Variants in ECT2L observed in about 807,000 individuals in gnomAD.
The protein encoded by ECT2L is epithelial cell transforming 2 like.
ECT2L carries 126 observed loss-of-function variants against 122.8 expected under a neutral mutation model. That is an observed-to-expected ratio of 1.03 (90% CI 0.89 to 1.19). The LOEUF (loss-of-function observed/expected upper bound fraction) is 1.19. Ranked by LOEUF, ECT2L falls within the 50% of genes most tolerant of loss-of-function variation. The pLI, the probability that ECT2L is intolerant of heterozygous loss-of-function variation, is 0.00. For missense variants in ECT2L, 1,012 were observed against 1,064.1 expected (o/e 0.95, Z 0.68); for synonymous variants, 385 against 381.8 (o/e 1.01, Z -0.10).
At chr6:138,897,803 G>A (rs1173115331) in intron 20 of ECT2L, among the ~76,000 whole-genome samples, 3 of 151,916 alleles carry the variant, frequency 2.0e-5, no homozygotes, top group Admixed American at 6.6e-5. Flanking sequence ...CCCTTCCCTG[G>A]GCCAACCATC....
chr6:138,865,786 GT>G (rs1258164036), intron 12 of ECT2L, among the ~76,000 whole-genome samples: 1 of 152,170 alleles, frequency 6.6e-6, no homozygotes, highest in Non-Finnish European at 1.5e-5. Context: ...TAGGTAAAGA[GT>G]TTTTCTTTTT....
chr6:138,796,483 A>T lies in ECT2L; in HGVS notation c.-244+291A>T, dbSNP rs1239601560. 4.6e-5 allele frequency among the ~76,000 whole-genome samples: 7 copies of T among 152,108 alleles called. No individual in the cohort carries two copies. The East Asian group carries it at 1.4e-3, about 29-fold the overall frequency. On this transcript the variant is annotated intron_variant, in intron 1 of 21. Coordinates refer to ENST00000541398, the MANE Select transcript of ECT2L (RefSeq NM_001077706.3). Reference sequence around the variant, plus strand: ...GAGAACTGATTTGGGATCGAAGTAAAGTTCTTGAACACTTTGGAAAACGCT... The same window carrying T: ...GAGAACTGATTTGGGATCGAAGTAATGTTCTTGAACACTTTGGAAAACGCT...
Position 138,843,014 on chromosome 6 carries a change from A to T in ECT2L, c.378A>T (p.Gly126=), listed in dbSNP as rs1271297991. ...CLWMPKCVKF[G]WFLPYTPTDN... ...GGATGCCCAAATGCGTTAAGTTCGG[A>T]TGGTTTCTGCCCTATACTCCAACAG... Residue 126 remains glycine, a synonymous_variant, in exon 6 of 22, where the codon GGA becomes GGT. Coordinates refer to ENST00000541398, the MANE Select transcript of ECT2L (RefSeq NM_001077706.3). The T allele has an allele frequency of 2.5e-6, 4 of 1,569,070 alleles. No homozygotes were observed.
At chr6:138,893,050 T>C (rs1779085149) in intron 20 of ECT2L, among the ~76,000 whole-genome samples, 1 of 151,904 alleles carries the variant, frequency 6.6e-6, no homozygotes, top group Non-Finnish European at 1.5e-5. Context: ...CCCATTATTA[T>C]ACCAGAGCCC....
chr6:138,849,194 C>A, intron 8 of ECT2L, 75 bp from the exon 9 acceptor site: 1 of 1,322,478 alleles, frequency 7.6e-7, no homozygotes, highest in Non-Finnish European at 9.9e-7. Context: ...ATTTTGTATC[C>A]GTTCTATTTC....
At chr6:138,836,607 T>C (rs1041133249) in intron 4 of ECT2L, among the ~76,000 whole-genome samples, 1 of 152,032 alleles carries the variant, frequency 6.6e-6, no homozygotes, top group Non-Finnish European at 1.5e-5. Context: ...AAGCAATTAT[T>C]ACTATGATGG....
chr6:138,856,403 C>T (rs562538031), intron 10 of ECT2L, among the ~76,000 whole-genome samples: 16 of 152,192 alleles, frequency 1.1e-4, no homozygotes, highest in South Asian at 8.3e-4. Flanking sequence ...TTAGTGGAGA[C>T]GGGGTTTCAC....
intron 1 of ECT2L, among the ~76,000 whole-genome samples, chr6:138,807,782 C>T (rs910094809): frequency 6.6e-6 from 1 of 152,188 alleles, no homozygotes; most frequent in African/African-American, 2.4e-5. Context: ...GCCATCCTAT[C>T]CCACTGCTCT....
intron 15 of ECT2L, 73 bp downstream of exon 15, chr6:138,881,244 A>G: frequency 6.9e-7 from 1 of 1,439,628 alleles, no homozygotes; most frequent in South Asian, 1.2e-5. Flanking sequence ...TTGTTTCAAA[A>G]GCAGTATGGA....
At chr6:138,846,120 C>T (rs2128391064) in intron 7 of ECT2L, among the ~76,000 whole-genome samples, 1 of 152,104 alleles carries the variant, frequency 6.6e-6, no homozygotes, top group South Asian at 2.1e-4. Flanking sequence ...CAGAACAGCC[C>T]CTGCTCCTGG....
chr6:138,836,024 C>T (rs1437764733), intron 4 of ECT2L, among the ~76,000 whole-genome samples: 3 of 151,974 alleles, frequency 2.0e-5, no homozygotes, highest in Non-Finnish European at 4.4e-5. Context: ...AGATTACGCT[C>T]AGGTTATGCC....
chr6:138,814,504 G>T lies in ECT2L; in HGVS notation c.80G>T (p.Arg27Ile). ...KSLNRQLFQE[R>I]VALISHWFDL... ...TCCCCCTTATAGCTCTTTCAGGAAAGAGTGGCTCTTATAAGTCATTGGTTT... is the reference window on the plus strand; with the variant it reads ...TCCCCCTTATAGCTCTTTCAGGAAATAGTGGCTCTTATAAGTCATTGGTTT... Residue 27 changes from arginine to isoleucine, a missense_variant, in exon 4 of 22, where the codon AGA becomes ATA. Transcript: ENST00000541398. 1 of 1,607,652 alleles carries T rather than the reference G, an allele frequency of 6.2e-7. No individual in the cohort carries two copies. Among genetic ancestry groups the T allele is most frequent in the Non-Finnish European group, 8.5e-7 (1 of 1,175,368 alleles).
intron 1 of ECT2L, among the ~76,000 whole-genome samples, chr6:138,808,546 G>A (rs955625982): frequency 6.6e-6 from 1 of 152,040 alleles, no homozygotes; most frequent in Non-Finnish European, 1.5e-5. Flanking sequence ...ATATATTGTT[G>A]CTTATTAAAT....
At chr6:138,824,558 T>A (rs199511038) in intron 4 of ECT2L, among the ~76,000 whole-genome samples, 62 of 131,678 alleles carry the variant, frequency 4.7e-4, no homozygotes, top group East Asian at 6.4e-4. Context: ...AAAAAAACTA[T>A]AAAAAAAAAC....
At chr6:138,851,482 CT>C (rs56921189) in intron 9 of ECT2L, among the ~76,000 whole-genome samples, 5,664 of 109,550 alleles carry the variant, frequency 0.052, 237 homozygotes, top group African/African-American at 0.15. Context: ...TGTGCCTAGC[CT>C]TTTTTTTTTT....
rs1777228739 is a variant in ECT2L, at chr6:138,846,574, T to C, written c.800T>C (p.Leu267Ser). 1 of 1,607,820 alleles carries C rather than the reference T, an allele frequency of 6.2e-7. No homozygotes were observed. The highest frequency in any genetic ancestry group is 2.2e-5 in the East Asian group (1 of 44,836). ...TCTGGAAGCCATTCCTACCCTTTATTATCAAAGAAAAATTGGCATGGAGTT... is the reference window on the plus strand; with the variant it reads ...TCTGGAAGCCATTCCTACCCTTTATCATCAAAGAAAAATTGGCATGGAGTT... Reference protein sequence around the residue: ...NISGSHSYPLLSKKNWHGVHK... With the variant: ...NISGSHSYPLSSKKNWHGVHK... The change falls in exon 8 of 22, where the codon TTA becomes TCA. Residue 267 changes from leucine (L) to serine (S), a missense_variant. Leu to Ser is a moderately radical substitution (Grantham distance 145, BLOSUM62 -2). Transcript: ENST00000541398.
chr6:138,890,374 TA>T (rs1299892198), intron 20 of ECT2L, among the ~76,000 whole-genome samples: 2 of 152,034 alleles, frequency 1.3e-5, no homozygotes, highest in Non-Finnish European at 2.9e-5. Context: ...GGTAGCAGGG[TA>T]GGTGGAAGAA....
chr6:138,816,393 TTTTG>T lies in ECT2L; in HGVS notation c.179+1806_179+1809del, dbSNP rs201530640. On this transcript the variant is annotated intron_variant, in intron 4 of 21. Coordinates refer to ENST00000541398, the MANE Select transcript of ECT2L (RefSeq NM_001077706.3). ...CCTGTTCAGTGAAAGTACTTTTTTTTTTTGTTTGTTTGTTTGTTTTTGGATAGCA... is the reference window on the plus strand; with the variant it reads ...CCTGTTCAGTGAAAGTACTTTTTTTTTTTGTTTGTTTGTTTTTGGATAGCA... 2.6e-3 allele frequency among the ~76,000 whole-genome samples: 391 copies of T among 152,316 alleles called. 1 individual carries two copies. Among genetic ancestry groups the T allele is most frequent in the African/African-American group, 8.0e-3 (334 of 41,572 alleles).
chr6:138,874,050 C>G (rs1317280959), intron 13 of ECT2L, among the ~76,000 whole-genome samples: 1 of 152,122 alleles, frequency 6.6e-6, no homozygotes, highest in African/African-American at 2.4e-5. Context: ...TGGCTGCCCG[C>G]CAGAATTATA....
Sources: gnomAD v4.1 joint callset for allele counts (sites outside exome capture counted in the v4.1 genomes callset) on GRCh38, gnomAD v4.1.1 for gene constraint, MANE v1.5 for transcripts, NCBI Gene and HGNC (gene_info 2026-07-23, HGNC 2026-07-21) for gene names.